Variants in STAB1 observed in about 807,000 individuals in gnomAD.
STAB1 encodes the protein stabilin-1.
In STAB1, 250 loss-of-function variants were observed where a neutral mutation model predicts 332.4. The ratio of observed to expected loss-of-function variants is 0.75; its 90% confidence interval spans 0.68 to 0.84. The LOEUF is 0.84. Among genes scored for constraint, STAB1 ranks in the 40% least tolerant of loss-of-function variants. STAB1 has a pLI of 0.00. For synonymous variants in STAB1, 1,475 were observed against 1,390.4 expected (o/e 1.06, Z -1.35); for missense variants, 3,249 against 3,489.7 (o/e 0.93, Z 1.74).
intron 48 of STAB1, 60 bp from the exon 49 acceptor site, chr3:52,519,204 C>A (rs2078985431): frequency 1.3e-6 from 2 of 1,571,698 alleles, no homozygotes; most frequent in Admixed American, 3.4e-5. Flanking sequence ...CCACCTCAGG[C>A]CCCGATAGCT....
At position 52,505,014 on chromosome 3, in the gene STAB1, C is replaced by T. The variant is rs1708741603; in HGVS notation, c.1389C>T (p.Tyr463=). The T allele has an allele frequency of 6.2e-7, 1 of 1,613,802 alleles. No homozygotes were observed. Among genetic ancestry groups the T allele is most frequent in the African/African-American group, 1.3e-5 (1 of 75,052 alleles). ...TTGTGTCTCACCAGAAATACTCCTA[C>T]AAGTACAAAGACCAGCCCCAGCAGA... ...VTFNQFTKYS[Y]KYKDQPQQTF... is the part of the protein sequence containing the mutation. Residue 463 remains tyrosine, a synonymous_variant, in exon 13 of 69, where the codon TAC becomes TAT. Transcript: ENST00000321725.
chr3:52,513,166 G>T lies in STAB1; in HGVS notation c.3195G>T (p.Glu1065Asp). ...TCCAGGGTGCCCTCTTCGAGGAGGA[G>T]CTGGCCCGGCTGGGTGGGCAGGAAG... ...HFLQGALFEE[E>D]LARLGGQEVA... Residue 1065 changes from glutamate (E) to aspartate (D), a missense_variant, in exon 30 of 69, where the codon GAG (glutamate) becomes GAT (aspartate). Physicochemically the swap from Glu to Asp is conservative, Grantham distance 45 (BLOSUM62 2). Transcript: ENST00000321725. 6.3e-7 allele frequency: 1 copy of T among 1,580,800 alleles called. No individual in the cohort carries two copies. The highest frequency in any genetic ancestry group is 1.7e-4 in the Middle Eastern group (1 of 5,964).
rs772286893 is a variant in STAB1, at chr3:52,517,350, G to A, written c.4520G>A (p.Gly1507Asp). 2 of 1,602,396 alleles carry A rather than the reference G, an allele frequency of 1.2e-6. No individual in the cohort carries two copies. Among genetic ancestry groups the A allele is most frequent in the East Asian group, 2.2e-5 (1 of 44,746 alleles). Residue 1507 changes from glycine to aspartate, a missense_variant, in exon 43 of 69, where the codon GGC (glycine) becomes GAC (aspartate). Coordinates refer to ENST00000321725, the MANE Select transcript of STAB1 (RefSeq NM_015136.3). Reference sequence around the variant, plus strand: ...AACAGCTGTCTCATCCACCACGGGGGCTGCCACATTCACGCCGAGTGCATC... The same window carrying A: ...AACAGCTGTCTCATCCACCACGGGGACTGCCACATTCACGCCGAGTGCATC... ...EINSCLIHHG[G>D]CHIHAECIPT...
chr3:52,513,899 G>A lies in STAB1; in HGVS notation c.3365G>A (p.Arg1122Gln), dbSNP rs142432111. The change falls in exon 32 of 69, where the codon CGA becomes CAA. Residue 1122 changes from arginine to glutamine, a missense_variant. Arg to Gln is a conservative substitution (Grantham distance 43, BLOSUM62 1). Coordinates refer to ENST00000321725, the MANE Select transcript of STAB1 (RefSeq NM_015136.3). Reference protein sequence around the residue: ...HILSQVLLPPRGDVPGGQGLL... With the variant: ...HILSQVLLPPQGDVPGGQGLL... ...CTGTACCAGGTCTTACTGCCCCCCC[G>A]AGGGGATGTGCCCGGTGGGCAGGGG... is the stretch of plus-strand genomic sequence containing the variant. 4.1e-4 allele frequency: 665 copies of A among 1,604,568 alleles called. 2 individuals carry two copies. The African/African-American group carries it at 7.7e-3, about 19-fold the overall frequency.
rs749246219 is a variant in STAB1 at position 52,524,055 on chromosome 3, A to G, written c.7542+38A>G. 43 of 1,612,068 alleles carry G rather than the reference A, an allele frequency of 2.7e-5. No individual in the cohort carries two copies. In the East Asian group the frequency reaches 9.6e-4, roughly 36 times the overall value. ...TGGGGCTGCCATGGCGGGTCCTTGGATCTCGCTTGAGGCGCCTCGCCACTC... is the reference window on the plus strand; with the variant it reads ...TGGGGCTGCCATGGCGGGTCCTTGGGTCTCGCTTGAGGCGCCTCGCCACTC... On this transcript the variant is annotated intron_variant, in intron 67 of 68. Transcript: ENST00000321725.
At position 52,510,213 on chromosome 3, in the gene STAB1, ACCG is replaced by A; in HGVS notation, c.2607_2609del (p.Arg870del). 1 of 1,613,928 alleles carries A rather than the reference ACCG, an allele frequency of 6.2e-7. No homozygotes were observed. Among genetic ancestry groups the A allele is most frequent in the Non-Finnish European group, 8.5e-7 (1 of 1,180,010 alleles). ...CCTAGCAACCCCTGCTCCCACCCGGACCGTGGAGGCTGCTCAGAGAATGTCAGT... is the reference window on the plus strand; with the variant it reads ...CCTAGCAACCCCTGCTCCCACCCGGATGGAGGCTGCTCAGAGAATGTCAGT... On this transcript the variant is annotated inframe_deletion, in exon 24 of 69. Coordinates refer to ENST00000321725, the MANE Select transcript of STAB1 (RefSeq NM_015136.3).
chr3:52,516,143 TC>T lies in STAB1; in HGVS notation c.4051del (p.Leu1351TrpfsTer240). On this transcript the variant is annotated frameshift_variant, in exon 38 of 69. Coordinates refer to ENST00000321725, the MANE Select transcript of STAB1 (RefSeq NM_015136.3). LOFTEE classifies it high-confidence loss of function. Reference protein sequence around the residue: ...CSGHGQCQDRFLGSGECHCHE... With the variant: ...CSGHGQCQDRXLGSGECHCHE... ...GGCCATGGGCAGTGCCAGGACAGGTTCCTGGGCAGCGGGGAGTGCCACTGCC... is the reference window on the plus strand; with the variant it reads ...GGCCATGGGCAGTGCCAGGACAGGTTCTGGGCAGCGGGGAGTGCCACTGCC... The T allele has an allele frequency of 1.2e-6, 2 of 1,612,236 alleles. No homozygotes were observed. The highest frequency in any genetic ancestry group is 1.7e-6 in the Non-Finnish European group (2 of 1,179,746).
chr3:52,507,576 C>G (rs1250243274), intron 18 of STAB1, 37 bp from the exon 19 acceptor site: 1 of 1,599,996 alleles, frequency 6.3e-7, no homozygotes, highest in Non-Finnish European at 8.5e-7. Context: ...TAAACAATGA[C>G]TAACCCCTCT....
In STAB1 at chr3:52,509,280, T is replaced by C. The variant is rs777752863; in HGVS notation, c.2306T>C (p.Ile769Thr). 1.2e-6 allele frequency: 2 copies of C among 1,613,662 alleles called. No individual in the cohort carries two copies. Among genetic ancestry groups the C allele is most frequent in the South Asian group, 1.1e-5 (1 of 91,088 alleles). The change falls in exon 22 of 69, where the codon ATC becomes ACC. Residue 769 changes from isoleucine to threonine, a missense_variant. Ile to Thr is a moderately conservative substitution (Grantham distance 89). Transcript: ENST00000321725. ...GACTACAAGGGCATCGCCTGCCACA[T>C]CTGCTCGAACCCAAACAAGCATGGA... ...FPDYKGIACH[I>T]CSNPNKHGEQ...
chr3:52,523,823 T>C (rs760366879), intron 66 of STAB1, 48 bp from the exon 67 acceptor site: 88 of 1,582,774 alleles, frequency 5.6e-5, no homozygotes. Flanking sequence ...CCGGGGAAGG[T>C]GGTGGGACAG....
At chr3:52,513,295 C>T in intron 30 of STAB1, 54 bp downstream of exon 30, 1 of 1,496,554 alleles carries the variant, frequency 6.7e-7, no homozygotes, top group Non-Finnish European at 9.0e-7. Flanking sequence ...TGGGAGGGAG[C>T]CTGAGTGGCT....
chr3:52,524,040 A>G (rs763578016), intron 67 of STAB1, 23 bp downstream of exon 67: 1 of 1,612,078 alleles, frequency 6.2e-7, no homozygotes, highest in Non-Finnish European at 8.5e-7. Flanking sequence ...TGGGGCTGCC[A>G]TGGCGGGTCC....
chr3:52,515,529 C>G, intron 37 of STAB1, 23 bp downstream of exon 37: 2 of 1,611,878 alleles, frequency 1.2e-6, no homozygotes. Context: ...GCCCCCACCC[C>G]AAGCCTGTCC....
In STAB1 at chr3:52,513,895, C is replaced by T. The variant is rs781380166; in HGVS notation, c.3361C>T (p.Pro1121Ser). ...LHILSQVLLP[P>S]RGDVPGGQGL... is the part of the protein sequence containing the mutation. Reference sequence around the variant, plus strand: ...TGCTCTGTACCAGGTCTTACTGCCCCCCCGAGGGGATGTGCCCGGTGGGCA... The same window carrying T: ...TGCTCTGTACCAGGTCTTACTGCCCTCCCGAGGGGATGTGCCCGGTGGGCA... Residue 1121 changes from proline to serine, a missense_variant, in exon 32 of 69, where the codon CCC becomes TCC. Transcript: ENST00000321725. 8.1e-6 allele frequency: 13 copies of T among 1,604,608 alleles called. No homozygotes were observed. Among genetic ancestry groups the T allele is most frequent in the Non-Finnish European group, 1.0e-5 (12 of 1,173,334 alleles).
chr3:52,520,035 C>A lies in STAB1; in HGVS notation c.5327C>A (p.Pro1776Gln). 2.5e-6 allele frequency: 4 copies of A among 1,612,680 alleles called. No individual in the cohort carries two copies. The highest frequency in any genetic ancestry group is 3.4e-6 in the Non-Finnish European group (4 of 1,179,918). Reference sequence around the variant, plus strand: ...GACGCCGCCTTTCGAGCTCTGCCTCCGGATCGCCAGGCCTGGCTGTACCAT... The same window carrying A: ...GACGCCGCCTTTCGAGCTCTGCCTCAGGATCGCCAGGCCTGGCTGTACCAT... ...PTDAAFRALP[P>Q]DRQAWLYHED... Residue 1776 changes from proline (P) to glutamine (Q), a missense_variant, in exon 51 of 69, where the codon CCG becomes CAG. Transcript: ENST00000321725.
At chr3:52,503,747 C>T in intron 8 of STAB1, 25 bp from the exon 9 acceptor site, 1 of 1,612,262 alleles carries the variant, frequency 6.2e-7, no homozygotes, top group Non-Finnish European at 8.5e-7. Context: ...ACGTGGTGTT[C>T]CCCTCCTGCC....
Position 52,507,779 on chromosome 3 carries a change from A to G in STAB1, c.2052+104A>G. 3.3e-6 allele frequency: 5 copies of G among 1,520,004 alleles called. No individual in the cohort carries two copies. In the South Asian group the frequency reaches 5.7e-5, roughly 17 times the overall value. 94.2% of individuals were successfully genotyped at this position (1,520,004 alleles called of 1,614,324 possible). Reference sequence around the variant, plus strand: ...GGGGAAGCAGAGGCTGGGAGGCTAGATCACACCTGGAGGCTAAGTGCTTCG... The same window carrying G: ...GGGGAAGCAGAGGCTGGGAGGCTAGGTCACACCTGGAGGCTAAGTGCTTCG... On this transcript the variant is annotated intron_variant, in intron 19 of 68. Coordinates refer to ENST00000321725, the MANE Select transcript of STAB1 (RefSeq NM_015136.3).
chr3:52,518,471 C>G, intron 46 of STAB1, 65 bp from the exon 47 acceptor site: 1 of 1,561,972 alleles, frequency 6.4e-7, no homozygotes, highest in South Asian at 1.2e-5. Context: ...CCAGGTCTTC[C>G]CCAGGAGATC....
intron 44 of STAB1, 123 bp from the exon 45 acceptor site, chr3:52,517,758 T>C (rs2078922957): frequency 3.8e-6 from 6 of 1,570,234 alleles, no homozygotes; most frequent in Non-Finnish European, 5.2e-6. Flanking sequence ...AGCTCGAGTT[T>C]AATCAGTAGC....
Sources: allele counts gnomAD v4.1 joint callset, GRCh38; gene constraint gnomAD v4.1.1; transcripts MANE v1.5; gene names NCBI Gene and HGNC (gene_info 2026-07-23, HGNC 2026-07-21).